RPS6KC1: variants seen among roughly 807,000 people sequenced by gnomAD.
The protein encoded by RPS6KC1 is ribosomal protein S6 kinase C1, also known as inactive ribosomal protein S6 kinase delta-1.
A neutral mutation model predicts 103.8 loss-of-function variants in RPS6KC1; 54 were observed. That is an observed-to-expected ratio of 0.52 (90% confidence interval 0.42 to 0.65). RPS6KC1 has a LOEUF of 0.65. Ranked by LOEUF, RPS6KC1 falls within the 30% of genes least tolerant of loss-of-function variation. RPS6KC1 has a pLI of 0.00. For synonymous variants in RPS6KC1, 439 were observed against 438.7 expected, an observed-to-expected ratio of 1.00 and a Z score of -0.01; for missense variants, 1,151 against 1,253.8, an observed-to-expected ratio of 0.92 and a Z score of 1.24.
the RPS6KC1 span, among the ~76,000 whole-genome samples, chr1:213,334,304 G>A: frequency 1.3e-5 from 2 of 152,088 alleles, no homozygotes; most frequent in Admixed American, 6.5e-5. Context: ...GTCAAATTTG[G>A]GAACACCTTT....
At chr1:213,053,770 T>C (rs762016930) in intron 1 of RPS6KC1, among the ~76,000 whole-genome samples, 1 of 152,078 alleles carries the variant, frequency 6.6e-6, no homozygotes, top group Non-Finnish European at 1.5e-5. Context: ...GGAACTGGAA[T>C]TGGAAGCACT....
the RPS6KC1 span, among the ~76,000 whole-genome samples, chr1:213,616,492 C>A: frequency 6.6e-6 from 1 of 152,148 alleles, no homozygotes; most frequent in African/African-American, 2.4e-5. Flanking sequence ...TGATGCCCAG[C>A]TGATAAATGT....
chr1:213,400,009 G>C, the RPS6KC1 span, among the ~76,000 whole-genome samples: 1 of 152,184 alleles, frequency 6.6e-6, no homozygotes, highest in Non-Finnish European at 1.5e-5. Flanking sequence ...GCCGAGGAGG[G>C]CTGGGCGCCG....
the RPS6KC1 span, among the ~76,000 whole-genome samples, chr1:213,590,983 C>T: frequency 0.035 from 5,340 of 152,238 alleles, 298 homozygotes; most frequent in East Asian, 0.27. Context: ...CAGCTAGTCT[C>T]GGGACCATAA....
the RPS6KC1 span, among the ~76,000 whole-genome samples, chr1:213,431,671 G>GTGTGTA: frequency 2.0e-5 from 3 of 151,850 alleles, no homozygotes; most frequent in African/African-American, 7.3e-5. Context: ...GTGTGTGTGT[G>GTGTGTA]TGTGTGTGTG....
chr1:213,640,950 C>CTA, the RPS6KC1 span, among the ~76,000 whole-genome samples: 1 of 151,914 alleles, frequency 6.6e-6, no homozygotes, highest in Non-Finnish European at 1.5e-5. Flanking sequence ...ACTATGATTA[C>CTA]TAATTTGCTT....
At chr1:213,270,263 C>G (rs1169787032) in intron 14 of RPS6KC1, among the ~76,000 whole-genome samples, 3 of 152,120 alleles carry the variant, frequency 2.0e-5, no homozygotes, top group Non-Finnish European at 4.4e-5. Flanking sequence ...ACCCTTCATA[C>G]TGTTTGCAAA....
chr1:213,608,974 T>G, the RPS6KC1 span, among the ~76,000 whole-genome samples: 2 of 152,186 alleles, frequency 1.3e-5, no homozygotes, highest in African/African-American at 4.8e-5. Context: ...CATTTATAAT[T>G]TTTTTACACT....
chr1:213,088,072 T>G (rs1306200377), intron 3 of RPS6KC1, among the ~76,000 whole-genome samples: 4 of 152,188 alleles, frequency 2.6e-5, no homozygotes, highest in Non-Finnish European at 5.9e-5. Flanking sequence ...GGTGAGTTGG[T>G]TCCTCATACC....
chr1:213,252,698 A>T (rs1020480278), intron 12 of RPS6KC1, among the ~76,000 whole-genome samples: 8 of 152,026 alleles, frequency 5.3e-5, no homozygotes, highest in South Asian at 2.1e-4. Flanking sequence ...TAAAGTGAAA[A>T]TTTTTTATTA....
At chr1:213,743,544 GGGTTTTGA>G in the RPS6KC1 span, among the ~76,000 whole-genome samples, 9 of 152,236 alleles carry the variant, frequency 5.9e-5, no homozygotes, top group South Asian at 4.2e-4. Context: ...ACCAGGCCAA[GGGTTTTGA>G]GATTGCTGAG....
chr1:213,520,996 T>C, the RPS6KC1 span, among the ~76,000 whole-genome samples: 9 of 152,330 alleles, frequency 5.9e-5, no homozygotes, highest in South Asian at 1.9e-3. Context: ...ACCTAGTGCA[T>C]TGTATATAAT....
At chr1:213,366,685 C>T in the RPS6KC1 span, among the ~76,000 whole-genome samples, 1 of 152,194 alleles carries the variant, frequency 6.6e-6, no homozygotes, top group East Asian at 1.9e-4. Context: ...TGGGAATGAC[C>T]CCTTCGGGTG....
intron 8 of RPS6KC1, among the ~76,000 whole-genome samples, chr1:213,217,651 G>A (rs1047232207): frequency 4.7e-4 from 72 of 152,182 alleles, no homozygotes; most frequent in Non-Finnish European, 9.3e-4. Flanking sequence ...GAATCCAGCA[G>A]CACATCAGAA....
chr1:213,154,530 C>T (rs896733389), intron 6 of RPS6KC1, among the ~76,000 whole-genome samples: 1 of 152,200 alleles, frequency 6.6e-6, no homozygotes, highest in African/African-American at 2.4e-5. Flanking sequence ...ACCCCATAGC[C>T]ACTCACCCCA....
the RPS6KC1 span, among the ~76,000 whole-genome samples, chr1:213,337,228 T>C: frequency 6.6e-6 from 1 of 152,228 alleles, no homozygotes; most frequent in Non-Finnish European, 1.5e-5. Context: ...CTTCCAGGCT[T>C]AATACAGGCT....
At chr1:213,237,099 A>G (rs2094238779) in intron 10 of RPS6KC1, among the ~76,000 whole-genome samples, 1 of 152,086 alleles carries the variant, frequency 6.6e-6, no homozygotes, top group Admixed American at 6.5e-5. Flanking sequence ...TGGGTGTTAC[A>G]TATTGCCTTG....
chr1:213,469,763 C>T, the RPS6KC1 span, among the ~76,000 whole-genome samples: 1 of 152,120 alleles, frequency 6.6e-6, no homozygotes, highest in Admixed American at 6.5e-5. Context: ...TTAAAAATAA[C>T]AATTTGTCTT....
intron 12 of RPS6KC1, among the ~76,000 whole-genome samples, chr1:213,248,960 T>C (rs987706494): frequency 1.3e-5 from 2 of 152,196 alleles, no homozygotes; most frequent in Non-Finnish European, 2.9e-5. Flanking sequence ...CTACCTGATA[T>C]TTGGAGTGAA....
Sources: allele counts gnomAD v4.1 joint callset (sites outside exome capture counted in the v4.1 genomes callset), GRCh38; gene constraint gnomAD v4.1.1; transcripts MANE v1.5; gene names NCBI Gene and HGNC (gene_info 2026-07-23, HGNC 2026-07-21).